Variants in ADAMTS19 observed in about 807,000 individuals in gnomAD.
ADAMTS19 encodes the protein ADAM metallopeptidase with thrombospondin type 1 motif 19.
A neutral mutation model predicts 153.3 loss-of-function variants in ADAMTS19; 93 were observed. The observed-to-expected ratio is 0.61, with a 90% CI of 0.51 to 0.72. The LOEUF is 0.72. ADAMTS19 is among the 30% of genes least tolerant of loss of function. The probability of loss-of-function intolerance (pLI) is 0.00; values close to 1 mark genes in which losing one functional copy is unlikely to be tolerated. For missense variants in ADAMTS19, 1,482 were observed against 1,552.1 expected, an observed-to-expected ratio of 0.95 and a Z score of 0.76; for synonymous variants, 600 against 556.6, an observed-to-expected ratio of 1.08 and a Z score of -1.10.
intron 2 of ADAMTS19, among the ~76,000 whole-genome samples, chr5:129,499,582 T>C (rs193287268): frequency 1.1e-4 from 17 of 152,232 alleles, no homozygotes; most frequent in African/African-American, 3.8e-4. Context: ...CAGCCATATA[T>C]TTTTCATTTG....
chr5:129,539,539 C>G (rs771542724), intron 6 of ADAMTS19, among the ~76,000 whole-genome samples: 5 of 152,076 alleles, frequency 3.3e-5, no homozygotes, highest in Non-Finnish European at 5.9e-5. Flanking sequence ...TCATGGTAAT[C>G]TGTTATAGCA....
intron 21 of ADAMTS19, among the ~76,000 whole-genome samples, chr5:129,712,432 A>T (rs766776422): frequency 3.3e-5 from 5 of 152,214 alleles, no homozygotes; most frequent in Non-Finnish European, 7.4e-5. Context: ...TTTCCTCAAG[A>T]AAGACTTTCC....
At chr5:129,512,580 G>C (rs559536546) in intron 3 of ADAMTS19, among the ~76,000 whole-genome samples, 42 of 152,180 alleles carry the variant, frequency 2.8e-4, no homozygotes, top group Admixed American at 2.4e-3. Context: ...GGCAGAGTCA[G>C]CTGTGAAGTT....
intron 3 of ADAMTS19, among the ~76,000 whole-genome samples, chr5:129,525,715 T>C (rs1751983634): frequency 6.6e-6 from 1 of 152,000 alleles, no homozygotes; most frequent in Non-Finnish European, 1.5e-5. Flanking sequence ...CTGCTCTGAT[T>C]TGGCTTCATT....
At chr5:129,584,507 AC>A (rs1561585087) in intron 7 of ADAMTS19, among the ~76,000 whole-genome samples, 1 of 152,130 alleles carries the variant, frequency 6.6e-6, no homozygotes, top group Non-Finnish European at 1.5e-5. Flanking sequence ...CCGCCCCTTC[AC>A]CCAGGTGCTC....
chr5:129,652,426 T>C (rs957628373), intron 13 of ADAMTS19, among the ~76,000 whole-genome samples: 7 of 152,200 alleles, frequency 4.6e-5, no homozygotes, highest in Admixed American at 1.3e-4. Flanking sequence ...AGAAAAGACA[T>C]GCATGGCTTC....
At chr5:129,561,386 G>A (rs1253252765) in intron 7 of ADAMTS19, among the ~76,000 whole-genome samples, 1 of 152,010 alleles carries the variant, frequency 6.6e-6, no homozygotes, top group Non-Finnish European at 1.5e-5. Flanking sequence ...AAAATTAGCC[G>A]GGCGCGGTGG....
intron 2 of ADAMTS19, among the ~76,000 whole-genome samples, chr5:129,479,384 A>C (rs1281147773): frequency 6.6e-6 from 1 of 152,178 alleles, no homozygotes; most frequent in Non-Finnish European, 1.5e-5. Context: ...GGTATATTTA[A>C]AATTTTTAAG....
chr5:129,637,412 A>C (rs2127013121), intron 10 of ADAMTS19, among the ~76,000 whole-genome samples: 1 of 152,274 alleles, frequency 6.6e-6, no homozygotes, highest in South Asian at 2.1e-4. Context: ...CTCAGCTCTA[A>C]ATTAATACAT....
chr5:129,462,642 A>C (rs143558430), intron 2 of ADAMTS19, among the ~76,000 whole-genome samples: 91 of 152,162 alleles, frequency 6.0e-4, no homozygotes, highest in African/African-American at 2.1e-3. Context: ...GCATAACATA[A>C]AATTTACTAT....
intron 15 of ADAMTS19, among the ~76,000 whole-genome samples, chr5:129,664,237 C>T (rs1431602515): frequency 1.3e-5 from 2 of 152,124 alleles, no homozygotes; most frequent in Admixed American, 1.3e-4. Context: ...TGATATTTGC[C>T]ATTGTATTCA....
intron 1 of ADAMTS19, chr5:129,460,835 GTTTTC>G (rs779919119): frequency 4.1e-6 from 2 of 488,844 alleles, no homozygotes; most frequent in Non-Finnish European, 6.8e-6. Context: ...CTTTGCATCG[GTTTTC>G]TTTTCAACAA....
chr5:129,555,080 C>T (rs1012177935), intron 7 of ADAMTS19, among the ~76,000 whole-genome samples: 7 of 151,786 alleles, frequency 4.6e-5, no homozygotes, highest in African/African-American at 1.5e-4. Context: ...TATCTATAAC[C>T]GATGTGAAGT....
chr5:129,550,532 A>G (rs1753051584), intron 6 of ADAMTS19, among the ~76,000 whole-genome samples: 1 of 149,880 alleles, frequency 6.7e-6, no homozygotes, highest in African/African-American at 2.4e-5. Flanking sequence ...ATATATACAT[A>G]TACAGATACA....
intron 3 of ADAMTS19, among the ~76,000 whole-genome samples, chr5:129,524,842 C>T (rs537107477): frequency 3.9e-5 from 6 of 151,970 alleles, no homozygotes; most frequent in African/African-American, 1.4e-4. Flanking sequence ...ATTTCTCCTA[C>T]CCTAAGATAT....
intron 2 of ADAMTS19, among the ~76,000 whole-genome samples, chr5:129,463,085 T>G (rs1749741052): frequency 6.6e-6 from 1 of 152,230 alleles, no homozygotes; most frequent in African/African-American, 2.4e-5. Flanking sequence ...ATGAGAAGCT[T>G]TTATTAAAAG....
At chr5:129,645,002 T>G (rs926588017) in intron 11 of ADAMTS19, among the ~76,000 whole-genome samples, 2 of 152,146 alleles carry the variant, frequency 1.3e-5, no homozygotes, top group African/African-American at 2.4e-5. Context: ...TGTACAAGAT[T>G]TGATCAGAGA....
At chr5:129,714,903 ATC>A (rs1756653802) in intron 21 of ADAMTS19, among the ~76,000 whole-genome samples, 1 of 152,178 alleles carries the variant, frequency 6.6e-6, no homozygotes, top group South Asian at 2.1e-4. Context: ...TTTGCAAACA[ATC>A]TGTGTGTCCA....
intron 7 of ADAMTS19, among the ~76,000 whole-genome samples, chr5:129,589,596 G>C (rs1351993097): frequency 6.6e-6 from 1 of 151,948 alleles, no homozygotes; most frequent in Non-Finnish European, 1.5e-5. Flanking sequence ...TTATGAAGTG[G>C]TTTCTTTCTC....
Sources: allele counts gnomAD v4.1 joint callset (sites outside exome capture counted in the v4.1 genomes callset), GRCh38; gene constraint gnomAD v4.1.1; transcripts MANE v1.5; gene names NCBI Gene and HGNC (gene_info 2026-07-23, HGNC 2026-07-21).